ADGRL2: variants seen among roughly 807,000 people sequenced by gnomAD.
ADGRL2 encodes calcium-independent alpha-latrotoxin receptor 2.
A neutral mutation model predicts 157.4 loss-of-function variants in ADGRL2; 44 were observed. That is an observed-to-expected ratio of 0.28 (90% CI 0.22 to 0.36). The LOEUF is 0.36. Among genes scored for constraint, ADGRL2 ranks in the 10% least tolerant of loss-of-function variants. The probability of loss-of-function intolerance (pLI) is 1.00; values close to 1 mark genes in which losing one functional copy is unlikely to be tolerated. For synonymous variants in ADGRL2, 585 were observed against 624.7 expected, an observed-to-expected ratio of 0.94 and a Z score of 0.95; for missense variants, 1,510 against 1,768.9, an observed-to-expected ratio of 0.85 and a Z score of 2.63.
At chr1:81,969,423 T>C (rs1658088666) in intron 15 of ADGRL2, 36 bp downstream of exon 15, 2 of 1,435,218 alleles carry the variant, frequency 1.4e-6, no homozygotes, top group Non-Finnish European at 2.0e-6. Context: ...CTTAGATCTC[T>C]GAAAATTATT....
chr1:81,504,092 G>A (rs1043817111), intron 2 of ADGRL2, among the ~76,000 whole-genome samples: 11 of 152,202 alleles, frequency 7.2e-5, no homozygotes, highest in Non-Finnish European at 1.6e-4. Context: ...GAGGCTGTGA[G>A]GGCAGTTCAG....
chr1:81,767,818 A>G (rs1045577623), intron 2 of ADGRL2, among the ~76,000 whole-genome samples: 1 of 146,202 alleles, frequency 6.8e-6, no homozygotes, highest in Non-Finnish European at 1.5e-5. Context: ...TGATCATACC[A>G]CTTAACTTTA....
intron 2 of ADGRL2, among the ~76,000 whole-genome samples, chr1:81,838,187 T>C (rs908404788): frequency 2.0e-5 from 3 of 152,028 alleles, no homozygotes; most frequent in Admixed American, 2.0e-4. Context: ...GAAAGAATTT[T>C]ACTTGAATTG....
At chr1:81,415,609 T>C (rs1004983884) in intron 1 of ADGRL2, among the ~76,000 whole-genome samples, 8 of 152,178 alleles carry the variant, frequency 5.3e-5, no homozygotes, top group Non-Finnish European at 1.0e-4. Flanking sequence ...AAAGTAAGAA[T>C]TAGCTGTAAA....
chr1:81,811,085 T>C (rs985484456), intron 1 of ADGRL2, among the ~76,000 whole-genome samples: 1 of 151,816 alleles, frequency 6.6e-6, no homozygotes, highest in Non-Finnish European at 1.5e-5. Flanking sequence ...TTAAACTAGA[T>C]CTACAGCCTG....
At chr1:81,834,120 C>G (rs1479416393) in intron 1 of ADGRL2, among the ~76,000 whole-genome samples, 1 of 152,216 alleles carries the variant, frequency 6.6e-6, no homozygotes, top group South Asian at 2.1e-4. Flanking sequence ...AAGAAATGAA[C>G]TATTACGTAG....
chr1:81,384,913 T>C (rs980381017), intron 1 of ADGRL2, among the ~76,000 whole-genome samples: 5 of 152,170 alleles, frequency 3.3e-5, no homozygotes, highest in African/African-American at 1.2e-4. Context: ...TTACCTTCTC[T>C]ATTGATTGTT....
chr1:81,507,178 G>C (rs1258426929), intron 2 of ADGRL2, among the ~76,000 whole-genome samples: 3 of 152,080 alleles, frequency 2.0e-5, no homozygotes, highest in Non-Finnish European at 4.4e-5. Context: ...TTGAGGAACA[G>C]GTGAGATATG....
intron 3 of ADGRL2, among the ~76,000 whole-genome samples, chr1:81,914,371 G>A (rs192150370): frequency 1.7e-4 from 26 of 152,196 alleles, no homozygotes; most frequent in African/African-American, 6.0e-4. Context: ...AATTAGTGCA[G>A]TATGTCTTAT....
intron 1 of ADGRL2, among the ~76,000 whole-genome samples, chr1:81,817,178 A>G (rs1032082585): frequency 2.0e-5 from 3 of 151,970 alleles, no homozygotes; most frequent in African/African-American, 7.2e-5. Flanking sequence ...ATTGTAGCAT[A>G]CAATCAAAAA....
chr1:81,644,729 G>T (rs1004387358), intron 3 of ADGRL2, among the ~76,000 whole-genome samples: 3 of 152,146 alleles, frequency 2.0e-5, no homozygotes, highest in Non-Finnish European at 2.9e-5. Context: ...TATCAAGGTA[G>T]GTTCATCAGT....
intron 2 of ADGRL2, among the ~76,000 whole-genome samples, chr1:81,562,402 C>A (rs1317812600): frequency 1.3e-5 from 2 of 152,176 alleles, no homozygotes; most frequent in African/African-American, 4.8e-5. Context: ...CAATTACACC[C>A]AGATTGTGTA....
intron 2 of ADGRL2, among the ~76,000 whole-genome samples, chr1:81,843,492 T>C (rs34268202): frequency 0.14 from 21,568 of 152,198 alleles, 1,690 homozygotes; most frequent in South Asian, 0.2. Context: ...CTTTAGATAT[T>C]CTTTATTTTG....
At chr1:81,768,472 A>C (rs903150946) in intron 2 of ADGRL2, among the ~76,000 whole-genome samples, 1 of 138,962 alleles carries the variant, frequency 7.2e-6, no homozygotes, top group East Asian at 2.5e-4. Flanking sequence ...TGTTCTATGA[A>C]GTACCTCTTT....
chr1:81,420,385 A>C (rs2101536056), intron 1 of ADGRL2, among the ~76,000 whole-genome samples: 1 of 152,310 alleles, frequency 6.6e-6, no homozygotes, highest in East Asian at 1.9e-4. Flanking sequence ...AAACTAGAGC[A>C]AAAAAGCCTT....
intron 2 of ADGRL2, among the ~76,000 whole-genome samples, chr1:81,567,939 A>G (rs1180181017): frequency 6.6e-6 from 1 of 152,130 alleles, no homozygotes; most frequent in African/African-American, 2.4e-5. Context: ...GATAAGTCAT[A>G]GTATTTCTTT....
chr1:81,837,594 T>A (rs963710849), intron 2 of ADGRL2, among the ~76,000 whole-genome samples: 9 of 152,032 alleles, frequency 5.9e-5, no homozygotes, highest in Non-Finnish European at 1.2e-4. Flanking sequence ...TATTTCTTTG[T>A]ACTTAAAAAT....
At chr1:81,374,525 T>G (rs1415557861) in intron 1 of ADGRL2, among the ~76,000 whole-genome samples, 1 of 139,880 alleles carries the variant, frequency 7.1e-6, no homozygotes, top group Non-Finnish European at 1.5e-5. Flanking sequence ...TGAGCTGAGA[T>G]CGTGCCACTG....
At chr1:81,651,625 C>A (rs1352165615) in intron 3 of ADGRL2, among the ~76,000 whole-genome samples, 1 of 152,144 alleles carries the variant, frequency 6.6e-6, no homozygotes, top group African/African-American at 2.4e-5. Flanking sequence ...CTCAATCATC[C>A]TTTAGACCTA....
Sources: allele counts gnomAD v4.1 joint callset (sites outside exome capture counted in the v4.1 genomes callset), GRCh38; gene constraint gnomAD v4.1.1; transcripts MANE v1.5; gene names NCBI Gene and HGNC (gene_info 2026-07-23, HGNC 2026-07-21).